SOX5: variants seen among roughly 807,000 people sequenced by gnomAD.
SOX5 encodes the protein transcription factor SOX-5.
Under a neutral mutation model 92.0 loss-of-function variants are expected in SOX5, and 9 were observed. The observed-to-expected ratio is 0.10, with a 90% confidence interval of 0.06 to 0.17. The LOEUF (loss-of-function observed/expected upper bound fraction) is 0.17. SOX5 is among the 10% of genes least tolerant of loss of function. SOX5 has a pLI of 1.00. For missense variants in SOX5, 642 were observed against 944.5 expected (o/e 0.68, Z 4.20); for synonymous variants, 344 against 336.3 (o/e 1.02, Z -0.25).
chr12:23,664,151 TAGAG>T (rs2083450914), intron 7 of SOX5, among the ~76,000 whole-genome samples: 1 of 152,052 alleles, frequency 6.6e-6, no homozygotes, highest in Admixed American at 6.6e-5. Context: ...CAATACGATA[TAGAG>T]AAAGATTTAA....
At chr12:24,519,469 C>A (rs1950078222) in intron 1 of SOX5, among the ~76,000 whole-genome samples, 1 of 151,752 alleles carries the variant, frequency 6.6e-6, no homozygotes, top group African/African-American at 2.4e-5. Flanking sequence ...AAAGAACTCA[C>A]TAAGTAAATA....
At chr12:23,561,772 A>G (rs1474390461) in intron 11 of SOX5, among the ~76,000 whole-genome samples, 1 of 150,666 alleles carries the variant, frequency 6.6e-6, no homozygotes, top group Non-Finnish European at 1.5e-5. Context: ...ACTGGGGAAG[A>G]GAAGGGGGAG....
At chr12:24,432,369 C>T (rs973496248) in intron 1 of SOX5, among the ~76,000 whole-genome samples, 4 of 152,106 alleles carry the variant, frequency 2.6e-5, no homozygotes, top group Admixed American at 6.5e-5. Flanking sequence ...GTGACTGTCA[C>T]GTGAAAAGCC....
chr12:23,554,029 C>T (rs1274789694), intron 11 of SOX5, among the ~76,000 whole-genome samples: 2 of 151,846 alleles, frequency 1.3e-5, no homozygotes, highest in African/African-American at 2.4e-5. Flanking sequence ...TAGAAACAGG[C>T]ACATCAGGGT....
At chr12:24,419,306 T>C (rs991750423) in intron 1 of SOX5, among the ~76,000 whole-genome samples, 18 of 152,040 alleles carry the variant, frequency 1.2e-4, no homozygotes, top group African/African-American at 3.6e-4. Flanking sequence ...CCAGGCTAAT[T>C]TTTTTGTATT....
chr12:23,794,503 A>AT (rs1392751639), intron 3 of SOX5, among the ~76,000 whole-genome samples: 2 of 152,040 alleles, frequency 1.3e-5, no homozygotes, highest in South Asian at 2.1e-4. Flanking sequence ...ACTATTCTTT[A>AT]TTTTTTACCT....
chr12:24,095,919 T>C (rs117691441), intron 4 of SOX5, among the ~76,000 whole-genome samples: 3,349 of 152,294 alleles, frequency 0.022, 55 homozygotes, highest in Middle Eastern at 0.11. Flanking sequence ...CATGCTGAAC[T>C]ACGAGTCAAT....
intron 2 of SOX5, among the ~76,000 whole-genome samples, chr12:24,354,243 G>A (rs994013109): frequency 2.6e-5 from 4 of 152,182 alleles, no homozygotes; most frequent in African/African-American, 9.6e-5. Context: ...TGAACTAGAG[G>A]TGAAGAATCT....
At chr12:23,698,822 AGGTCT>A (rs1444529999) in intron 6 of SOX5, among the ~76,000 whole-genome samples, 8 of 152,148 alleles carry the variant, frequency 5.3e-5, no homozygotes, top group African/African-American at 1.9e-4. Context: ...CCTGTTTTTA[AGGTCT>A]GGTCTGGAAT....
chr12:23,652,472 C>T (rs1383502889), intron 7 of SOX5, among the ~76,000 whole-genome samples: 3 of 150,804 alleles, frequency 2.0e-5, no homozygotes, highest in Admixed American at 2.0e-4. Flanking sequence ...CATATACAAA[C>T]TAATATTTTC....
intron 4 of SOX5, among the ~76,000 whole-genome samples, chr12:24,088,751 T>C (rs928425352): frequency 1.3e-5 from 2 of 152,026 alleles, no homozygotes; most frequent in Non-Finnish European, 2.9e-5. Flanking sequence ...TTCTTAAACT[T>C]TTCCAATTCA....
upstream of SOX5, chr12:23,950,880 T>C (rs1945513756): frequency 6.5e-7 from 1 of 1,535,122 alleles, no homozygotes; most frequent in Non-Finnish European, 8.7e-7. Context: ...CAGACATGCA[T>C]GCAGAGATGG....
At chr12:23,719,432 G>A (rs545208573) in intron 6 of SOX5, among the ~76,000 whole-genome samples, 2 of 151,980 alleles carry the variant, frequency 1.3e-5, no homozygotes, top group African/African-American at 4.8e-5. Flanking sequence ...TGCTACCAGG[G>A]TACTAATGTT....
chr12:24,495,794 G>A (rs1947569642), intron 1 of SOX5, among the ~76,000 whole-genome samples: 1 of 152,088 alleles, frequency 6.6e-6, no homozygotes, highest in Admixed American at 6.5e-5. Flanking sequence ...AAAATCAAAA[G>A]AACCACAAGG....
chr12:23,896,082 T>C, intron 1 of SOX5, 58 bp from the exon 2 acceptor site: 2 of 1,228,698 alleles, frequency 1.6e-6, no homozygotes, highest in Non-Finnish European at 2.4e-6. Context: ...CTTAATGCCG[T>C]CATTGTGTGG....
At chr12:24,071,829 G>A (rs1345709662) in intron 4 of SOX5, among the ~76,000 whole-genome samples, 1 of 152,194 alleles carries the variant, frequency 6.6e-6, no homozygotes. Flanking sequence ...AAATGCTTGA[G>A]GAGGGGTAGA....
chr12:24,109,226 T>A (rs1052495905), intron 4 of SOX5, among the ~76,000 whole-genome samples: 6 of 152,162 alleles, frequency 3.9e-5, no homozygotes, highest in African/African-American at 1.4e-4. Flanking sequence ...CTATTCTTGC[T>A]TTAACAAATC....
chr12:23,705,154 C>T (rs1462826604), intron 6 of SOX5, among the ~76,000 whole-genome samples: 1 of 151,934 alleles, frequency 6.6e-6, no homozygotes, highest in South Asian at 2.1e-4. Flanking sequence ...CAAATCTCAG[C>T]TGTGCTAAAT....
intron 4 of SOX5, among the ~76,000 whole-genome samples, chr12:23,965,476 C>CA (rs1459225419): frequency 6.6e-6 from 1 of 152,168 alleles, no homozygotes; most frequent in African/African-American, 2.4e-5. Flanking sequence ...TAGCACTGGA[C>CA]AACTTCCTGC....
Sources: gnomAD v4.1 joint callset for allele counts (sites outside exome capture counted in the v4.1 genomes callset) on GRCh38, gnomAD v4.1.1 for gene constraint, MANE v1.5 for transcripts, NCBI Gene and HGNC (gene_info 2026-07-23, HGNC 2026-07-21) for gene names.